ROBO2: variants seen among roughly 807,000 people sequenced by gnomAD.
ROBO2 encodes the protein roundabout homolog 2.
A neutral mutation model predicts 160.8 loss-of-function variants in ROBO2; 53 were observed. The observed-to-expected ratio is 0.33, with a 90% confidence interval of 0.26 to 0.41. ROBO2 has a LOEUF of 0.41. Ranked by LOEUF, ROBO2 falls within the 10% of genes least tolerant of loss-of-function variation. The pLI, the probability that ROBO2 is intolerant of heterozygous loss-of-function variation, is 1.00. For synonymous variants in ROBO2, 664 were observed against 611.7 expected (o/e 1.09, Z -1.26); for missense variants, 1,577 against 1,722.4 (o/e 0.92, Z 1.49).
intron 2 of ROBO2, among the ~76,000 whole-genome samples, chr3:76,411,462 T>G (rs889447323): frequency 6.6e-6 from 1 of 152,202 alleles, no homozygotes; most frequent in African/African-American, 2.4e-5. Flanking sequence ...AAAGGAGATC[T>G]TGTGGTATTA....
intron 2 of ROBO2, among the ~76,000 whole-genome samples, chr3:77,219,615 A>C (rs73100000): frequency 0.036 from 5,337 of 149,788 alleles, 115 homozygotes; most frequent in Middle Eastern, 0.053. Context: ...TCTGCATTTT[A>C]CTATTGACCA....
intron 2 of ROBO2, among the ~76,000 whole-genome samples, chr3:76,413,878 T>C (rs886099583): frequency 1.8e-4 from 28 of 152,130 alleles, no homozygotes. Flanking sequence ...CTGGTACCAA[T>C]TTACTGTATT....
intron 2 of ROBO2, among the ~76,000 whole-genome samples, chr3:77,345,882 A>C (rs895804253): frequency 3.3e-5 from 5 of 152,144 alleles, no homozygotes; most frequent in African/African-American, 4.8e-5. Flanking sequence ...AATGTTAGCC[A>C]CATTATTTGC....
intron 2 of ROBO2, among the ~76,000 whole-genome samples, chr3:76,379,696 G>T (rs529077267): frequency 6.6e-6 from 1 of 152,104 alleles, no homozygotes; most frequent in African/African-American, 2.4e-5. Context: ...TTTTAAACGT[G>T]AACTTTATGA....
intron 2 of ROBO2, among the ~76,000 whole-genome samples, chr3:76,330,049 A>C (rs546400479): frequency 6.6e-6 from 1 of 152,226 alleles, no homozygotes; most frequent in African/African-American, 2.4e-5. Context: ...TACTGTATCT[A>C]TGTGGGTTTT....
rs965950817 is a variant in ROBO2, at chr3:76,463,713, G to A, written c.109+526111G>A. ...ACTCCTCCGCGCATCCATCAGGACA[G>A]CCATAGATCCTCAGGGTTATCTATT... On this transcript the variant is annotated intron_variant, in intron 2 of 26. Coordinates refer to the ROBO2 transcript ENST00000487694. Among the ~76,000 whole-genome samples, 3 of 152,126 alleles carry A rather than the reference G, an allele frequency of 2.0e-5. No homozygotes were observed. The East Asian group carries it at 5.8e-4, about 29-fold the overall frequency.
At chr3:76,733,308 C>T (rs1210568051) in intron 2 of ROBO2, among the ~76,000 whole-genome samples, 1 of 152,180 alleles carries the variant, frequency 6.6e-6, no homozygotes, top group Non-Finnish European at 1.5e-5. Flanking sequence ...CTGGTTCACA[C>T]AGTTACCATT....
chr3:77,446,937 T>G (rs2080590450), intron 2 of ROBO2, among the ~76,000 whole-genome samples: 1 of 151,960 alleles, frequency 6.6e-6, no homozygotes, highest in South Asian at 2.1e-4. Flanking sequence ...CATCTTAAAT[T>G]CCCAAATCAC....
intron 2 of ROBO2, among the ~76,000 whole-genome samples, chr3:77,295,263 A>C (rs1052978456): frequency 2.7e-5 from 4 of 150,090 alleles, no homozygotes; most frequent in Non-Finnish European, 5.9e-5. Context: ...TTGACGATTA[A>C]ACGGTAAGCT....
intron 2 of ROBO2, among the ~76,000 whole-genome samples, chr3:77,024,989 A>G (rs2062874466): frequency 6.8e-6 from 1 of 147,534 alleles, no homozygotes; most frequent in South Asian, 2.1e-4. Context: ...TTTTGTTTTA[A>G]AAAAAAAGGA....
chr3:77,003,328 C>A (rs901377663), intron 2 of ROBO2, among the ~76,000 whole-genome samples: 2 of 152,138 alleles, frequency 1.3e-5, no homozygotes, highest in African/African-American at 4.8e-5. Flanking sequence ...TAGGAAATTT[C>A]TTTCAGAGGA....
intron 2 of ROBO2, among the ~76,000 whole-genome samples, chr3:76,063,425 C>T (rs2107903362): frequency 6.6e-6 from 1 of 151,262 alleles, no homozygotes; most frequent in South Asian, 2.1e-4. Flanking sequence ...TCATTGCAGC[C>T]TTGATTCCCT....
chr3:77,302,884 C>CT (rs1346873373), intron 2 of ROBO2, among the ~76,000 whole-genome samples: 1 of 152,058 alleles, frequency 6.6e-6, no homozygotes, highest in African/African-American at 2.4e-5. Flanking sequence ...TCTCAGATGC[C>CT]TTTAAATCCC....
intron 2 of ROBO2, among the ~76,000 whole-genome samples, chr3:76,018,906 G>A (rs1045769966): frequency 6.6e-6 from 1 of 151,528 alleles, no homozygotes; most frequent in Non-Finnish European, 1.5e-5. Context: ...ACATGGTTCG[G>A]TTTTCTCTGA....
intron 2 of ROBO2, among the ~76,000 whole-genome samples, chr3:77,209,119 ATCTATTAAAAACTTTATTCCAGAATTATC>A (rs1292754920): frequency 6.6e-6 from 1 of 152,204 alleles, no homozygotes; most frequent in Admixed American, 6.5e-5. Flanking sequence ...TTCATCTATT[ATCTATTAAAAACTTTATTCCAGAATTATC>A]TGGTAATGTT....
intron 2 of ROBO2, among the ~76,000 whole-genome samples, chr3:76,259,256 C>A (rs934816745): frequency 6.6e-6 from 1 of 151,970 alleles, no homozygotes; most frequent in Non-Finnish European, 1.5e-5. Context: ...TCAGAAATTA[C>A]AGTAAATTAA....
chr3:77,371,805 C>T (rs1047821302), intron 2 of ROBO2, among the ~76,000 whole-genome samples: 4 of 152,144 alleles, frequency 2.6e-5, no homozygotes, highest in Non-Finnish European at 2.9e-5. Flanking sequence ...CGGGACCAGG[C>T]ATGTGTTACC....
chr3:76,789,473 A>G (rs902563164), intron 2 of ROBO2, among the ~76,000 whole-genome samples: 1 of 151,538 alleles, frequency 6.6e-6, no homozygotes, highest in Non-Finnish European at 1.5e-5. Context: ...ATCCTGGCTC[A>G]CAGGATGTTG....
intron 2 of ROBO2, among the ~76,000 whole-genome samples, chr3:75,957,581 TAA>T (rs1948766359): frequency 6.6e-6 from 1 of 151,620 alleles, no homozygotes; most frequent in Non-Finnish European, 1.5e-5. Flanking sequence ...TTTACAGTTC[TAA>T]GTTACTTATG....
Sources: gnomAD v4.1 joint callset for allele counts (sites outside exome capture counted in the v4.1 genomes callset) on GRCh38, gnomAD v4.1.1 for gene constraint, MANE v1.5 for transcripts, NCBI Gene and HGNC (gene_info 2026-07-23, HGNC 2026-07-21) for gene names.